The following SGK1 variants were observed in gnomAD, a reference collection of about 807,000 sequenced individuals.
SGK1 encodes serum/glucocorticoid regulated kinase 1, also known as serine/threonine-protein kinase Sgk1.
In SGK1, 26 loss-of-function variants were observed where a neutral mutation model predicts 64.2. The ratio of observed to expected loss-of-function variants is 0.40; its 90% CI spans 0.30 to 0.56. The LOEUF is 0.56. Ranked by LOEUF, SGK1 falls within the 20% of genes least tolerant of loss-of-function variation. The pLI is 0.38. For missense variants in SGK1, 519 were observed against 645.6 expected (o/e 0.80, Z 2.12); for synonymous variants, 265 against 239.7 (o/e 1.11, Z -0.98).
chr6:134,265,933 A>T (rs1036125817), intron 1 of SGK1, among the ~76,000 whole-genome samples: 1 of 149,474 alleles, frequency 6.7e-6, no homozygotes, highest in African/African-American at 2.5e-5. Flanking sequence ...GTGAGCTACC[A>T]CATCCAGCCA....
chr6:134,172,891 T>C (rs1582683012), intron 8 of SGK1, 117 bp from the exon 9 acceptor site: 2 of 1,255,456 alleles, frequency 1.6e-6, no homozygotes, highest in South Asian at 2.6e-5. Flanking sequence ...ACTATAAACC[T>C]GACAGGTTGA....
rs1776058157 is a variant in SGK1, at chr6:134,219,983, CG to C, written c.286-12553del. Among the ~76,000 whole-genome samples, 3 of 128,932 alleles carry C rather than the reference CG, an allele frequency of 2.3e-5. No individual in the cohort carries two copies. In the East Asian group the frequency reaches 7.4e-4, roughly 32 times the overall value. The allele number at this position is 128,932 out of a possible 152,430, so 84.6% of individuals were successfully genotyped here. On this transcript the variant is annotated intron_variant, in intron 2 of 13. Coordinates refer to ENST00000367858, the MANE Select transcript of SGK1 (RefSeq NM_001143676.3). ...CTGAGGCAGGAGAATGGCGTTAACCCGGGAGGCGGAGCTTGCAGTGAGCCGA... is the reference window on the plus strand; with the variant it reads ...CTGAGGCAGGAGAATGGCGTTAACCCGGAGGCGGAGCTTGCAGTGAGCCGA...
At chr6:134,287,444 C>CTTT (rs761885493) in intron 1 of SGK1, among the ~76,000 whole-genome samples, 1 of 104,878 alleles carries the variant, frequency 9.5e-6, no homozygotes. Context: ...GATAAGAAGG[C>CTTT]TTTTTTTTTT....
At chr6:134,208,918 G>A (rs552955365) in intron 2 of SGK1, among the ~76,000 whole-genome samples, 3 of 129,870 alleles carry the variant, frequency 2.3e-5, no homozygotes, top group South Asian at 2.5e-4. Context: ...ACACACACAC[G>A]TGTTTTTTTC....
chr6:134,269,853 T>C (rs535312841), intron 1 of SGK1, among the ~76,000 whole-genome samples: 1 of 147,974 alleles, frequency 6.8e-6, no homozygotes, highest in South Asian at 2.2e-4. Flanking sequence ...AGTGCTGTAA[T>C]ATTCAGTAAT....
intron 2 of SGK1, among the ~76,000 whole-genome samples, chr6:134,212,966 C>T (rs1193663114): frequency 6.6e-6 from 1 of 152,066 alleles, no homozygotes; most frequent in African/African-American, 2.4e-5. Flanking sequence ...AAAATCTTCC[C>T]CACGTTGAAG....
At chr6:134,204,989 TTC>T (rs1435566004) in intron 3 of SGK1, among the ~76,000 whole-genome samples, 1 of 151,720 alleles carries the variant, frequency 6.6e-6, no homozygotes, top group Admixed American at 6.6e-5. Flanking sequence ...CTTTCTTTCT[TTC>T]TCTGTTTCTC....
chr6:134,245,401 G>A (rs1444298037), intron 2 of SGK1, among the ~76,000 whole-genome samples: 1 of 152,246 alleles, frequency 6.6e-6, no homozygotes, highest in Non-Finnish European at 1.5e-5. Context: ...TCAGGTTACA[G>A]TCTAGATTAG....
chr6:134,181,672 A>T (rs1213149265), intron 3 of SGK1, among the ~76,000 whole-genome samples: 1 of 151,724 alleles, frequency 6.6e-6, no homozygotes, highest in Non-Finnish European at 1.5e-5. Context: ...TGAGCCTATA[A>T]TCAATCTAGA....
At chr6:134,302,706 G>C (rs1362169598) in intron 1 of SGK1, among the ~76,000 whole-genome samples, 7 of 151,964 alleles carry the variant, frequency 4.6e-5, no homozygotes. Context: ...ACATGCGTTA[G>C]GTCATTTAAT....
intron 10 of SGK1, chr6:134,171,956 A>G: frequency 1.6e-6 from 1 of 634,932 alleles, no homozygotes; most frequent in Non-Finnish European, 2.7e-6. Context: ...TTACTTAGGG[A>G]TTTAGAAAGT....
chr6:134,172,343 T>C, intron 9 of SGK1, 27 bp from the exon 10 acceptor site: 1 of 1,600,120 alleles, frequency 6.2e-7, no homozygotes, highest in Non-Finnish European at 8.5e-7. Flanking sequence ...AGAAAAGTAG[T>C]TGCACAAGTT....
At chr6:134,170,720 G>A in intron 13 of SGK1, 106 bp downstream of exon 13, 1 of 816,202 alleles carries the variant, frequency 1.2e-6, no homozygotes, top group Non-Finnish European at 2.0e-6. Flanking sequence ...GGTTTATGGA[G>A]AAAACATCTG....
chr6:134,259,619 G>A (rs1776733273), intron 2 of SGK1, among the ~76,000 whole-genome samples: 1 of 152,178 alleles, frequency 6.6e-6, no homozygotes, highest in Non-Finnish European at 1.5e-5. Flanking sequence ...ACTCCAACCT[G>A]GGAGAGCTGT....
chr6:134,244,269 A>G (rs551403252), intron 2 of SGK1, among the ~76,000 whole-genome samples: 4 of 152,298 alleles, frequency 2.6e-5, no homozygotes, highest in Admixed American at 2.6e-4. Flanking sequence ...GATCATTTCT[A>G]GCTTCATCCA....
intron 2 of SGK1, among the ~76,000 whole-genome samples, chr6:134,208,191 C>T (rs368294070): frequency 6.2e-4 from 95 of 152,268 alleles, no homozygotes; most frequent in Middle Eastern, 3.4e-3. Flanking sequence ...GGATTATAAG[C>T]GTGAACCACC....
chr6:134,261,715 C>A, intron 2 of SGK1: 1 of 613,764 alleles, frequency 1.6e-6, no homozygotes, highest in South Asian at 2.0e-5. Context: ...ACCTTCTGCT[C>A]AATGTTGCTG....
At position 134,169,487 on chromosome 6, in the gene SGK1, CATAA is replaced by C. The variant is rs1326041057; in HGVS notation, c.*777_*780del. The C allele has an allele frequency of 6.7e-6, 1 of 149,940 alleles. No homozygotes were observed. The highest frequency in any genetic ancestry group is 2.5e-5 in the African/African-American group (1 of 40,654). The allele number at this position is 149,940 out of a possible 1,614,324, so 9.3% of individuals were successfully genotyped here. On this transcript the variant is annotated 3_prime_UTR_variant, in exon 14 of 14. Transcript: ENST00000367858. The stretch of plus-strand genomic sequence containing the variant: ...ATTATCAGGAATGCAAAAAAAAAAA[CATAA>C]ATAATGCCCATTTTACAGGTGACAT...
At chr6:134,292,856 G>C (rs750145477) in intron 1 of SGK1, among the ~76,000 whole-genome samples, 1 of 152,164 alleles carries the variant, frequency 6.6e-6, no homozygotes, top group African/African-American at 2.4e-5. Context: ...AAGAAGGTTG[G>C]AAGTACTACT....
Sources: allele counts gnomAD v4.1 joint callset (sites outside exome capture counted in the v4.1 genomes callset), GRCh38; gene constraint gnomAD v4.1.1; transcripts MANE v1.5; gene names NCBI Gene and HGNC (gene_info 2026-07-23, HGNC 2026-07-21).